The following AGAP1 variants were observed in gnomAD, a reference collection of about 807,000 sequenced individuals.
AGAP1 encodes the protein arf-GAP with GTPase, ANK repeat and PH domain-containing protein 1.
AGAP1 carries 29 observed loss-of-function variants against 105.3 expected under a neutral mutation model. That is an observed-to-expected ratio of 0.28 (90% CI 0.21 to 0.38). The LOEUF is 0.38. Among genes scored for constraint, AGAP1 ranks in the 10% least tolerant of loss-of-function variants. The pLI is 1.00. For missense variants in AGAP1, 998 were observed against 1,165.1 expected, an observed-to-expected ratio of 0.86 and a Z score of 2.09; for synonymous variants, 509 against 485.9, an observed-to-expected ratio of 1.05 and a Z score of -0.63.
In AGAP1 at chr2:235,919,315, A is replaced by G. The variant is rs980428774; in HGVS notation, c.1324+10409A>G. ...CACACTGGCAGAGGAGAGTTTTTCG[A>G]AGTAATCGTGACATTTTTCCATCTC... On this transcript the variant is annotated intron_variant, in intron 11 of 17. Transcript: ENST00000304032. The surrounding 1 kb of genome is among the most constrained non-coding windows in gnomAD (Gnocchi z 4.1). Among the ~76,000 whole-genome samples the G allele has an allele frequency of 2.0e-5, 3 of 152,122 alleles. No homozygotes were observed. Among genetic ancestry groups the G allele is most frequent in the Non-Finnish European group, 4.4e-5 (3 of 68,022 alleles).
intron 9 of AGAP1, among the ~76,000 whole-genome samples, chr2:235,821,529 A>T (rs1401124461): frequency 6.6e-6 from 1 of 151,036 alleles, no homozygotes; most frequent in Non-Finnish European, 1.5e-5. Context: ...GACTACAGGG[A>T]ACTTTAAAAA....
intron 1 of AGAP1, among the ~76,000 whole-genome samples, chr2:235,686,620 G>GAT (rs1194270184): frequency 0.029 from 1,637 of 57,162 alleles, 28 homozygotes; most frequent in Non-Finnish European, 0.043. Context: ...TGGAGATATA[G>GAT]ATATATATAT....
rs2050995435 is a variant in AGAP1 at position 235,900,087 on chromosome 2, G to T, written c.1156-8651G>T. 2.6e-5 allele frequency among the ~76,000 whole-genome samples: 4 copies of T among 152,202 alleles called. No homozygotes were observed. On this transcript the variant is annotated intron_variant, in intron 10 of 17. Coordinates refer to ENST00000304032, the MANE Select transcript of AGAP1 (RefSeq NM_001037131.3). The surrounding 1 kb of genome is among the most constrained non-coding windows in gnomAD (Gnocchi z 5.5). ...CAGAGAAGTCTGCTTTTGCCATCAT[G>T]TAGGGACTCTCCACTGTACATGAAG...
chr2:236,124,152 C>T lies in AGAP1; in HGVS notation c.*30C>T, dbSNP rs1300696401. 1 of 1,606,968 alleles carries T rather than the reference C, an allele frequency of 6.2e-7. No homozygotes were observed. The highest frequency in any genetic ancestry group is 8.5e-7 in the Non-Finnish European group (1 of 1,174,588). On this transcript the variant is annotated 3_prime_UTR_variant, in exon 18 of 18. Transcript: ENST00000304032. The surrounding 1 kb of genome is among the most constrained non-coding windows in gnomAD (Gnocchi z 5.1). ...CAGCCGTGCCCGCCTGCTCGCCGCACCTGGGACGCGGCAGCCTCGCCGCAT... is the reference window on the plus strand; with the variant it reads ...CAGCCGTGCCCGCCTGCTCGCCGCATCTGGGACGCGGCAGCCTCGCCGCAT...
chr2:235,868,210 A>G (rs1575653115), intron 9 of AGAP1, among the ~76,000 whole-genome samples: 1 of 151,884 alleles, frequency 6.6e-6, no homozygotes, highest in Middle Eastern at 3.4e-3. Flanking sequence ...TTTTTTTAGA[A>G]GTAGAAACAT....
chr2:235,882,352 C>T lies in AGAP1; in HGVS notation c.1051-993C>T. 2 of 1,312,844 alleles carry T rather than the reference C, an allele frequency of 1.5e-6. No homozygotes were observed. Among genetic ancestry groups the T allele is most frequent in the Non-Finnish European group, 2.1e-6 (2 of 934,694 alleles). 81.3% of individuals were successfully genotyped at this position (1,312,844 alleles called of 1,614,324 possible). ...TTAAGGATGACGAGGGCAGGAAATC[C>T]TCCGGGCTCTTAGGAAATTTCACTC... On this transcript the variant is annotated intron_variant, in intron 9 of 17. Transcript: ENST00000304032. This position sits in a 1 kb window ranked among gnomAD's most constrained non-coding sequence, Gnocchi z 4.6.
intron 1 of AGAP1, among the ~76,000 whole-genome samples, chr2:235,590,952 A>G (rs1202143661): frequency 6.7e-6 from 1 of 149,862 alleles, no homozygotes; most frequent in Non-Finnish European, 1.5e-5. Flanking sequence ...CGATCTCCTG[A>G]CCTCGTGATC....
At chr2:235,520,215 TAATATGGTCA>T (rs1461247780) in intron 1 of AGAP1, among the ~76,000 whole-genome samples, 1 of 152,262 alleles carries the variant, frequency 6.6e-6, no homozygotes, top group Non-Finnish European at 1.5e-5. Context: ...AACAGTTCCT[TAATATGGTCA>T]AATATCCAGT....
At chr2:236,122,705 CAG>C (rs2059929353) in intron 17 of AGAP1, among the ~76,000 whole-genome samples, 1 of 88,424 alleles carries the variant, frequency 1.1e-5, no homozygotes, top group Admixed American at 1.2e-4. Context: ...TTTTTTGAGA[CAG>C]AGTCTCACTC....
At chr2:236,070,696 C>T (rs910070847) in intron 16 of AGAP1, among the ~76,000 whole-genome samples, 3 of 152,094 alleles carry the variant, frequency 2.0e-5, no homozygotes, top group Non-Finnish European at 4.4e-5. Flanking sequence ...GACTTCATAC[C>T]GTGTAATTAC....
intron 16 of AGAP1, chr2:236,049,557 TAC>T (rs2057831519): frequency 6.6e-6 from 2 of 303,534 alleles, no homozygotes; most frequent in Non-Finnish European, 1.2e-5. Flanking sequence ...ATGAATATAT[TAC>T]TTTAATTAAT....
intron 13 of AGAP1, among the ~76,000 whole-genome samples, chr2:236,015,232 G>T (rs925891992): frequency 2.6e-5 from 4 of 152,140 alleles, no homozygotes; most frequent in African/African-American, 7.2e-5. Context: ...TTTTAAAAGT[G>T]TTAGTATCAG....
At chr2:235,674,405 C>G (rs1948611261) in intron 1 of AGAP1, among the ~76,000 whole-genome samples, 3 of 152,252 alleles carry the variant, frequency 2.0e-5, no homozygotes, top group African/African-American at 7.2e-5. Flanking sequence ...CGCATGCTCT[C>G]TGCATCCCAG....
chr2:235,626,887 G>C (rs1416264801), intron 1 of AGAP1, among the ~76,000 whole-genome samples: 2 of 152,186 alleles, frequency 1.3e-5, no homozygotes, highest in Non-Finnish European at 2.9e-5. Flanking sequence ...TGGTGGGCTG[G>C]ATTTGGCCTG....
chr2:235,647,774 C>T (rs1482651530), intron 1 of AGAP1, among the ~76,000 whole-genome samples: 2 of 152,112 alleles, frequency 1.3e-5, no homozygotes, highest in African/African-American at 2.4e-5. Flanking sequence ...CCATTCTAGT[C>T]TAATTTCATC....
At chr2:235,520,025 G>A (rs1348557076) in intron 1 of AGAP1, among the ~76,000 whole-genome samples, 2 of 152,224 alleles carry the variant, frequency 1.3e-5, no homozygotes, top group Admixed American at 6.5e-5. Flanking sequence ...CAGGTGATTC[G>A]CCTGCCTCGG....
In AGAP1 at chr2:236,128,241, A is replaced by G. The variant is rs2060033636; in HGVS notation, c.*4119A>G. On this transcript the variant is annotated 3_prime_UTR_variant, in exon 18 of 18. Coordinates refer to ENST00000304032, the MANE Select transcript of AGAP1 (RefSeq NM_001037131.3). This position sits in a 1 kb window ranked among gnomAD's most constrained non-coding sequence, Gnocchi z 5.9. ...TATTCTGCTTTGTAGTCTGAGGTTG[A>G]TTTTCTAGAGGCGAGGAAGGGGCTG... is the stretch of plus-strand genomic sequence containing the variant. 6.6e-6 allele frequency: 1 copy of G among 152,142 alleles called. No homozygotes were observed. The highest frequency in any genetic ancestry group is 2.1e-4 in the South Asian group (1 of 4,810). 9.4% of individuals were successfully genotyped at this position (152,142 alleles called of 1,614,324 possible).
chr2:235,710,499 C>T (rs1950798168), intron 2 of AGAP1, among the ~76,000 whole-genome samples: 1 of 152,144 alleles, frequency 6.6e-6, no homozygotes, highest in Non-Finnish European at 1.5e-5. Flanking sequence ...GGTGTCTGCC[C>T]CCCGCCCCAT....
chr2:235,912,628 A>T (rs2051673005), intron 11 of AGAP1, among the ~76,000 whole-genome samples: 1 of 152,214 alleles, frequency 6.6e-6, no homozygotes. Context: ...GTTAACACTT[A>T]TTATTGCTTT....
Sources: gnomAD v4.1 joint callset for allele counts (sites outside exome capture counted in the v4.1 genomes callset) on GRCh38, gnomAD v4.1.1 for gene constraint, Gnocchi (gnomAD v3.1) non-coding constraint, MANE v1.5 for transcripts, NCBI Gene and HGNC (gene_info 2026-07-23, HGNC 2026-07-21) for gene names.